Variants in MCF2L2 observed in about 807,000 individuals in gnomAD.
MCF2L2 encodes the protein probable guanine nucleotide exchange factor MCF2L2.
A neutral mutation model predicts 150.2 loss-of-function variants in MCF2L2; 102 were observed. The observed-to-expected ratio is 0.68, with a 90% CI of 0.58 to 0.80. MCF2L2 has a LOEUF of 0.80. Ranked by LOEUF, MCF2L2 falls within the 30% of genes least tolerant of loss-of-function variation. The probability of loss-of-function intolerance (pLI) is 0.00; values close to 1 mark genes in which losing one functional copy is unlikely to be tolerated. For synonymous variants in MCF2L2, 465 were observed against 491.3 expected (o/e 0.95, Z 0.71); for missense variants, 1,256 against 1,372.8 (o/e 0.91, Z 1.34).
intron 1 of MCF2L2, among the ~76,000 whole-genome samples, chr3:183,427,605 A>AAG (rs112435092): frequency 0.079 from 12,012 of 151,774 alleles, 1,587 homozygotes; most frequent in African/African-American, 0.27. Flanking sequence ...CTCCCGTCAG[A>AAG]AGCAGCTAAC....
At chr3:183,185,076 C>A (rs901625258) in intron 27 of MCF2L2, among the ~76,000 whole-genome samples, 7 of 152,168 alleles carry the variant, frequency 4.6e-5, no homozygotes, top group Non-Finnish European at 1.0e-4. Context: ...TGCCACCATG[C>A]CCAGCTAATT....
chr3:183,278,742 G>A (rs1309049045), intron 14 of MCF2L2, among the ~76,000 whole-genome samples: 1 of 152,198 alleles, frequency 6.6e-6, no homozygotes, highest in African/African-American at 2.4e-5. Context: ...TGTATGCAGG[G>A]TGGATCATAG....
At chr3:183,221,496 G>T (rs954725212) in intron 20 of MCF2L2, among the ~76,000 whole-genome samples, 1 of 152,180 alleles carries the variant, frequency 6.6e-6, no homozygotes, top group African/African-American at 2.4e-5. Context: ...TCGAGTCTGT[G>T]TTTCCAATGA....
At position 183,181,301 on chromosome 3, in the gene MCF2L2, G is replaced by A. The variant is rs1233270462; in HGVS notation, c.3017-1142C>T. 6.6e-6 allele frequency among the ~76,000 whole-genome samples: 1 copy of A among 152,078 alleles called. No homozygotes were observed. The highest frequency in any genetic ancestry group is 1.5e-5 in the Non-Finnish European group (1 of 68,028). On this transcript the variant is annotated intron_variant, in intron 27 of 29. Coordinates refer to ENST00000328913, the MANE Select transcript of MCF2L2 (RefSeq NM_015078.4). The surrounding 1 kb of genome is among the most constrained non-coding windows in gnomAD (Gnocchi z 4.3). ...CCCTCCCCAGAGCAGATCAGTGGGG[G>A]CTGTGTGAGTAACATGGGGGCGGGG...
intron 27 of MCF2L2, among the ~76,000 whole-genome samples, chr3:183,184,780 T>G (rs1021859017): frequency 2.6e-5 from 4 of 152,250 alleles, no homozygotes; most frequent in African/African-American, 9.6e-5. Flanking sequence ...TCCCTTACTG[T>G]CCAGTGGATG....
intron 21 of MCF2L2, among the ~76,000 whole-genome samples, chr3:183,216,951 T>C (rs1339169800): frequency 2.6e-5 from 4 of 151,434 alleles, no homozygotes; most frequent in South Asian, 4.2e-4. Flanking sequence ...TCCTTTTAAA[T>C]AGGCTTCTCT....
intron 1 of MCF2L2, among the ~76,000 whole-genome samples, chr3:183,424,042 ACT>A (rs1321563867): frequency 6.6e-6 from 1 of 152,146 alleles, no homozygotes; most frequent in Non-Finnish European, 1.5e-5. Context: ...AGTCCATGTT[ACT>A]TAGACAGCAC....
At chr3:183,356,450 T>G (rs541248436) in intron 3 of MCF2L2, among the ~76,000 whole-genome samples, 68 of 152,158 alleles carry the variant, frequency 4.5e-4, no homozygotes, top group African/African-American at 1.6e-3. Context: ...GAGGCAGAGG[T>G]TGCAGTGAGT....
At chr3:183,246,256 T>G (rs1003433826) in intron 15 of MCF2L2, among the ~76,000 whole-genome samples, 1 of 152,210 alleles carries the variant, frequency 6.6e-6, no homozygotes, top group Non-Finnish European at 1.5e-5. Flanking sequence ...TTAAGTACAT[T>G]CACAATGTTG....
chr3:183,311,009 T>G lies in MCF2L2; in HGVS notation c.899A>C (p.Glu300Ala), dbSNP rs1729350646. The G allele has an allele frequency of 6.2e-7, 1 of 1,612,196 alleles. No homozygotes were observed. The highest frequency in any genetic ancestry group is 1.7e-5 in the Admixed American group (1 of 60,004). Residue 300 changes from glutamate (E) to alanine (A), a missense_variant, in exon 9 of 30, where the codon GAA becomes GCA. Transcript: ENST00000328913. Reference protein sequence around the residue: ...TMERLLVQLDETEKAFSHFWS... With the variant: ...TMERLLVQLDATEKAFSHFWS... ...AAAGTGACTAAAGGCTTTTTCTGTT[T>G]CATCCAGTTGAACTAATAACCTTTC...
At chr3:183,258,870 A>G (rs928076088) in intron 15 of MCF2L2, among the ~76,000 whole-genome samples, 4 of 152,186 alleles carry the variant, frequency 2.6e-5, no homozygotes, top group Admixed American at 1.3e-4. Flanking sequence ...GATTACAAGT[A>G]TGAGCTACCA....
At chr3:183,395,826 G>T (rs573007962) in intron 1 of MCF2L2, among the ~76,000 whole-genome samples, 10 of 150,136 alleles carry the variant, frequency 6.7e-5, no homozygotes, top group Admixed American at 1.3e-4. Context: ...GCTGAGGCAG[G>T]AGAATTGCTT....
rs569151318 is a variant in MCF2L2, at chr3:183,354,046, C to T, written c.276-12416G>A. ...AAGAAACCTAAAAAACTAGTTCAGGCCATAACAGAAAGCGGGGTCAGACTT... is the reference window on the plus strand; with the variant it reads ...AAGAAACCTAAAAAACTAGTTCAGGTCATAACAGAAAGCGGGGTCAGACTT... On this transcript the variant is annotated intron_variant, in intron 3 of 29. Transcript: ENST00000328913. 2.0e-5 allele frequency among the ~76,000 whole-genome samples: 3 copies of T among 152,166 alleles called. No homozygotes were observed. In the East Asian group the frequency reaches 5.8e-4, roughly 29 times the overall value.
rs1727398473 is a variant in MCF2L2, at chr3:183,280,348, C to T, written c.1777-3391G>A. On this transcript the variant is annotated intron_variant, in intron 14 of 29. Transcript: ENST00000328913. ...ATATTTTTCCAGTTTCTCCAAAGGA[C>T]ATATAAACCCTTTTTAAACTTAGAT... Among the ~76,000 whole-genome samples the T allele has an allele frequency of 2.0e-5, 3 of 151,804 alleles. No individual in the cohort carries two copies. The South Asian group carries it at 6.2e-4, about 31-fold the overall frequency.
intron 20 of MCF2L2, 75 bp from the exon 21 acceptor site, chr3:183,219,999 A>C (rs767559611): frequency 9.8e-7 from 1 of 1,021,984 alleles, no homozygotes; most frequent in Non-Finnish European, 1.5e-6. Context: ...AACAAAATCT[A>C]CTGTGCAAAC....
intron 1 of MCF2L2, among the ~76,000 whole-genome samples, chr3:183,412,347 T>C (rs1174294944): frequency 1.3e-5 from 2 of 152,130 alleles, no homozygotes; most frequent in Admixed American, 6.5e-5. Context: ...CAGGCTGGAG[T>C]GCAGTGGTGC....
Position 183,267,431 on chromosome 3 carries a change from G to A in MCF2L2, c.1862+9441C>T, listed in dbSNP as rs372547040. Among the ~76,000 whole-genome samples the A allele has an allele frequency of 6.6e-6, 1 of 152,242 alleles. No homozygotes were observed. The highest frequency in any genetic ancestry group is 2.4e-5 in the African/African-American group (1 of 41,462). On this transcript the variant is annotated intron_variant, in intron 15 of 29. Coordinates refer to ENST00000328913, the MANE Select transcript of MCF2L2 (RefSeq NM_015078.4). The surrounding 1 kb of genome is among the most constrained non-coding windows in gnomAD (Gnocchi z 5.5). ...GGGGGTGGGAAATATAGCTGGATCCGAAAGCTCTGAAGTGGGGATGGAGGT... is the reference window on the plus strand; with the variant it reads ...GGGGGTGGGAAATATAGCTGGATCCAAAAGCTCTGAAGTGGGGATGGAGGT...
intron 3 of MCF2L2, among the ~76,000 whole-genome samples, chr3:183,355,229 A>C (rs1489563862): frequency 6.6e-6 from 1 of 152,138 alleles, no homozygotes; most frequent in African/African-American, 2.4e-5. Flanking sequence ...GTGAGGAGGA[A>C]GCAAGAGACA....
In MCF2L2 at chr3:183,428,549, G is replaced by A. The variant is rs1280494122; in HGVS notation, c.-572C>T. 1 of 152,444 alleles carries A rather than the reference G, an allele frequency of 6.6e-6. No individual in the cohort carries two copies. Among genetic ancestry groups the A allele is most frequent in the African/African-American group, 2.4e-5 (1 of 41,462 alleles). 9.4% of individuals were successfully genotyped at this position (152,444 alleles called of 1,614,324 possible). On this transcript the variant is annotated 5_prime_UTR_variant, in exon 1 of 30. Transcript: ENST00000328913. The surrounding 1 kb of genome is among the most constrained non-coding windows in gnomAD (Gnocchi z 5.1). ...AACGCTGCGCACCTTTCCCTGCGGG[G>A]AGCCCGCGCTCCACCCCCGGAGTGG...
Sources: gnomAD v4.1 joint callset for allele counts (sites outside exome capture counted in the v4.1 genomes callset) on GRCh38, gnomAD v4.1.1 for gene constraint, Gnocchi (gnomAD v3.1) non-coding constraint, MANE v1.5 for transcripts, NCBI Gene and HGNC (gene_info 2026-07-23, HGNC 2026-07-21) for gene names.